TECTA: variants seen among roughly 807,000 people sequenced by gnomAD.
TECTA encodes alpha-tectorin.
A neutral mutation model predicts 216.8 loss-of-function variants in TECTA; 128 were observed. That is an observed-to-expected ratio of 0.59 (90% CI 0.51 to 0.68). The LOEUF is 0.68. Ranked by LOEUF, TECTA falls within the 30% of genes least tolerant of loss-of-function variation. The probability of loss-of-function intolerance (pLI) is 0.00; values close to 1 mark genes in which losing one functional copy is unlikely to be tolerated. For missense variants in TECTA, 2,551 were observed against 2,786.2 expected, an observed-to-expected ratio of 0.92 and a Z score of 1.90; for synonymous variants, 1,089 against 1,117.1, an observed-to-expected ratio of 0.97 and a Z score of 0.50.
chr11:121,188,113 G>C (rs778408443), intron 21 of TECTA, 119 bp downstream of exon 21: 225 of 1,061,174 alleles, frequency 2.1e-4, no homozygotes, highest in Non-Finnish European at 2.7e-4. Flanking sequence ...GCTTGGGGTG[G>C]ACAGTCATCT....
At position 121,102,798 on chromosome 11, in the gene TECTA, T is replaced by C. The variant is rs118013075; in HGVS notation, c.64+69T>C. On this transcript the variant is annotated intron_variant, in intron 2 of 23. Coordinates refer to ENST00000392793, the MANE Select transcript of TECTA (RefSeq NM_005422.4). Reference sequence around the variant, plus strand: ...TTGAATTGATAAAGAGACACTTTTATTGGAACCACAATTGTAAGGGCAGGT... The same window carrying C: ...TTGAATTGATAAAGAGACACTTTTACTGGAACCACAATTGTAAGGGCAGGT... 7,822 of 1,370,040 alleles carry C rather than the reference T, an allele frequency of 5.7e-3. 38 individuals are homozygous for C. The highest frequency in any genetic ancestry group is 6.9e-3 in the Non-Finnish European group (6,595 of 958,428). The allele number at this position is 1,370,040 out of a possible 1,614,324, so 84.9% of individuals were successfully genotyped here. A position where few individuals can be genotyped will look rare whatever the true frequency, so the allele number is the denominator to read the frequency against.
rs1273117252 is a variant in TECTA at position 121,125,406 on chromosome 11, A to G, written c.1308A>G (p.Leu436=). The G allele has an allele frequency of 6.2e-7, 1 of 1,614,208 alleles. No individual in the cohort carries two copies. Among genetic ancestry groups the G allele is most frequent in the Non-Finnish European group, 8.5e-7 (1 of 1,180,044 alleles). The change falls in exon 8 of 24, where the codon TTA becomes TTG. Residue 436 remains leucine (L), a synonymous_variant. Coordinates refer to ENST00000392793, the MANE Select transcript of TECTA (RefSeq NM_005422.4). ...CCGTGGAAACAGATTTTGGGCTCTT[A>G]GTGACTTTTGATGGCCAGCACTACG... ...STAVETDFGL[L]VTFDGQHYAS...
At chr11:121,125,933 TG>T (rs1459160006) in intron 8 of TECTA, 61 bp downstream of exon 8, 3 of 1,563,608 alleles carry the variant, frequency 1.9e-6, no homozygotes, top group Non-Finnish European at 2.6e-6. Flanking sequence ...GGATAGGCTT[TG>T]GGGGCTCCTC....
intron 21 of TECTA, 108 bp from the exon 22 acceptor site, chr11:121,188,972 A>G (rs974889315): frequency 1.8e-6 from 2 of 1,097,086 alleles, no homozygotes; most frequent in Admixed American, 1.8e-5. Flanking sequence ...CTGAGCCTCC[A>G]TAATGCTTGA....
At position 121,146,058 on chromosome 11, in the gene TECTA, C is replaced by T. The variant is rs768673774; in HGVS notation, c.4047C>T (p.Ala1349=). The change falls in exon 12 of 24, where the codon GCC becomes GCT. Residue 1349 remains alanine, a synonymous_variant. Transcript: ENST00000392793. ...QTACSWLQNY[A]STCQTQGITV... is the part of the protein sequence containing the mutation. ...CCTGCAGCTGGCTGCAGAACTACGC[C>T]AGCACCTGCCAGACTCAGGGGATTA... 4 of 1,613,264 alleles carry T rather than the reference C, an allele frequency of 2.5e-6. No homozygotes were observed. In the Admixed American group the frequency reaches 6.7e-5, roughly 27 times the overall value.
At chr11:121,135,627 G>A (rs1243057656) in intron 10 of TECTA, among the ~76,000 whole-genome samples, 1 of 152,218 alleles carries the variant, frequency 6.6e-6, no homozygotes, top group Non-Finnish European at 1.5e-5. Flanking sequence ...CCACAGTGCA[G>A]AACTGTTGTA....
chr11:121,180,206 A>C (rs970133965), intron 20 of TECTA, among the ~76,000 whole-genome samples: 2 of 151,974 alleles, frequency 1.3e-5, no homozygotes, highest in Non-Finnish European at 2.9e-5. Flanking sequence ...TTTTGTGTAT[A>C]TGATCTGCCA....
intron 20 of TECTA, among the ~76,000 whole-genome samples, chr11:121,177,807 TC>T (rs1327972105): frequency 6.6e-6 from 1 of 152,206 alleles, no homozygotes; most frequent in East Asian, 1.9e-4. Flanking sequence ...CAGGCAGGCG[TC>T]CTTGAGCTGT....
chr11:121,152,301 A>G (rs889791796), intron 12 of TECTA, among the ~76,000 whole-genome samples: 8 of 152,356 alleles, frequency 5.3e-5, no homozygotes, highest in African/African-American at 1.4e-4. Context: ...CTCAGAGATC[A>G]TGGGGCTGAG....
At position 121,146,011 on chromosome 11, in the gene TECTA, G is replaced by T. The variant is rs747039340; in HGVS notation, c.4000G>T (p.Asp1334Tyr). Residue 1334 changes from aspartate to tyrosine, a missense_variant, in exon 12 of 24, where the codon GAT (aspartate) becomes TAT (tyrosine). Around this residue, in one of 3 missense-constraint regions of TECTA, gnomAD observed 2,375 missense variants for 2,563.9 expected, o/e 0.93. Coordinates refer to ENST00000392793, the MANE Select transcript of TECTA (RefSeq NM_005422.4). The part of the protein sequence containing the change: ...YKNCLFDSCI[D>Y]GGAVQTACSW... ...GAACTGCCTGTTTGACTCTTGCATC[G>T]ATGGGGGCGCGGTGCAGACCGCCTG... 3 of 1,614,142 alleles carry T rather than the reference G, an allele frequency of 1.9e-6. No homozygotes were observed. The highest frequency in any genetic ancestry group is 2.5e-6 in the Non-Finnish European group (3 of 1,180,054).
chr11:121,160,257 C>T lies in TECTA; in HGVS notation c.4812C>T (p.Asn1604=), dbSNP rs746681819. 27 of 1,614,052 alleles carry T rather than the reference C, an allele frequency of 1.7e-5. No individual in the cohort carries two copies. The Admixed American group carries it at 3.0e-4, about 18-fold the overall frequency. Residue 1604 remains asparagine, a synonymous_variant, in exon 15 of 24, where the codon AAC becomes AAT. Coordinates refer to ENST00000392793, the MANE Select transcript of TECTA (RefSeq NM_005422.4). The stretch of plus-strand genomic sequence containing the variant: ...TCCAGATATACTACAATGGTTTCAA[C>T]GTCATTAAAATCAGCATCAGCGAGA... ...PDIQIYYNGF[N]VIKISISERL...
At chr11:121,157,508 G>A (rs1376800070) in intron 13 of TECTA, among the ~76,000 whole-genome samples, 1 of 152,122 alleles carries the variant, frequency 6.6e-6, no homozygotes, top group Non-Finnish European at 1.5e-5. Flanking sequence ...TAGGAGAATC[G>A]CTTGAGTCCA....
chr11:121,160,274 T>G lies in TECTA; in HGVS notation c.4829T>G (p.Ile1610Ser). The G allele has an allele frequency of 6.2e-7, 1 of 1,614,116 alleles. No individual in the cohort carries two copies. Among genetic ancestry groups the G allele is most frequent in the Non-Finnish European group, 8.5e-7 (1 of 1,180,018 alleles). ...YNGFNVIKISISERLQNKVCG... is the reference protein window; with the variant it reads ...YNGFNVIKISSSERLQNKVCG... ...GGTTTCAACGTCATTAAAATCAGCATCAGCGAGAGGCTGCAGAACAAAGTG... is the reference window on the plus strand; with the variant it reads ...GGTTTCAACGTCATTAAAATCAGCAGCAGCGAGAGGCTGCAGAACAAAGTG... The change falls in exon 15 of 24, where the codon ATC (isoleucine) becomes AGC (serine). Residue 1610 changes from isoleucine to serine, a missense_variant. Around this residue, in one of 3 missense-constraint regions of TECTA, gnomAD observed 2,375 missense variants for 2,563.9 expected, o/e 0.93. Coordinates refer to ENST00000392793, the MANE Select transcript of TECTA (RefSeq NM_005422.4).
At chr11:121,140,111 A>G (rs606674) in intron 11 of TECTA, among the ~76,000 whole-genome samples, 49,757 of 151,938 alleles carry the variant, frequency 0.33, 11,887 homozygotes, top group African/African-American at 0.68. Context: ...TAATCTCTTC[A>G]TGGGTCCTGT....
chr11:121,117,990 A>T (rs1946516664), intron 6 of TECTA, among the ~76,000 whole-genome samples: 1 of 152,220 alleles, frequency 6.6e-6, no homozygotes. Context: ...CCATGGATTC[A>T]TGATAACGTG....
At chr11:121,124,786 T>C (rs1056245216) in intron 7 of TECTA, among the ~76,000 whole-genome samples, 13 of 152,160 alleles carry the variant, frequency 8.5e-5, no homozygotes, top group African/African-American at 3.1e-4. Context: ...AGTACAACAC[T>C]TGGAGAATAC....
At chr11:121,156,685 A>G (rs1324239719) in intron 13 of TECTA, among the ~76,000 whole-genome samples, 1 of 150,658 alleles carries the variant, frequency 6.6e-6, no homozygotes, top group Non-Finnish European at 1.5e-5. Flanking sequence ...AGTAGAGATG[A>G]GGTTTCACTG....
chr11:121,152,936 C>G lies in TECTA; in HGVS notation c.4161C>G (p.Pro1387=), dbSNP rs553116420. The part of the protein sequence containing the change: ...HYESCVSVCQ[P]RCAAIRLKSD... ...AGAGCTGCGTGAGTGTCTGCCAGCC[C>G]CGCTGCGCCGCCATCCGCCTGAAGA... Residue 1387 remains proline (P), a synonymous_variant, in exon 13 of 24, where the codon CCC becomes CCG. Coordinates refer to ENST00000392793, the MANE Select transcript of TECTA (RefSeq NM_005422.4). The G allele has an allele frequency of 6.2e-7, 1 of 1,613,030 alleles. No individual in the cohort carries two copies. Among genetic ancestry groups the G allele is most frequent in the Non-Finnish European group, 8.5e-7 (1 of 1,179,176 alleles).
At chr11:121,161,981 C>T in intron 15 of TECTA, 94 bp from the exon 16 acceptor site, 1 of 1,522,768 alleles carries the variant, frequency 6.6e-7, no homozygotes, top group Non-Finnish European at 9.0e-7. Flanking sequence ...TGGCACAATG[C>T]ACTAGCTTCA....
Sources: allele counts gnomAD v4.1 joint callset (sites outside exome capture counted in the v4.1 genomes callset), GRCh38; gene constraint gnomAD v4.1.1; regional missense constraint gnomAD v4.1.1; transcripts MANE v1.5; gene names NCBI Gene and HGNC (gene_info 2026-07-23, HGNC 2026-07-21).